The following GNAS-AS1 variants were observed in gnomAD, a reference collection of about 807,000 sequenced individuals.
GNAS-AS1 encodes GNAS antisense RNA 1 (non-protein coding).
chr20:58,833,986 A>G (rs1000633660), intron 4 of GNAS-AS1: 1 of 152,202 alleles, frequency 6.6e-6, no homozygotes, highest in Non-Finnish European at 1.5e-5. Context: ...AGCCTCAGTG[A>G]CTAGACATGT....
intron 4 of GNAS-AS1, chr20:58,839,247 A>G (rs2085642860): frequency 2.5e-6 from 1 of 398,520 alleles, no homozygotes; most frequent in African/African-American, 2.1e-5. Flanking sequence ...TTCTAATTAC[A>G]GTCACTATAA....
Position 58,840,904 on chromosome 20 carries a change from A to C in GNAS-AS1, n.819+1033T>G. 1 of 1,611,726 alleles carries C rather than the reference A, an allele frequency of 6.2e-7. No individual in the cohort carries two copies. Among genetic ancestry groups the C allele is most frequent in the Non-Finnish European group, 8.5e-7 (1 of 1,179,464 alleles). On this transcript the variant is annotated intron_variant and non_coding_transcript_variant, in intron 4 of 4. Transcript: ENST00000424094. The surrounding 1 kb of genome is among the most constrained non-coding windows in gnomAD (Gnocchi z 6.0). ...GGATTCAGGTTAGTTGCCCACCGCT[A>C]AACTGGGGAGCCTGAGGGCGGTGTG...
chr20:58,849,445 A>G (rs1377292324), intron 1 of GNAS-AS1, among the ~76,000 whole-genome samples: 1 of 152,202 alleles, frequency 6.6e-6, no homozygotes, highest in Non-Finnish European at 1.5e-5. Context: ...CTCTGACTCC[A>G]TAAATTCATC....
intron 4 of GNAS-AS1, among the ~76,000 whole-genome samples, chr20:58,822,312 AAGGAGGCCAGGCC>A (rs1568897004): frequency 1.3e-5 from 2 of 152,200 alleles, no homozygotes; most frequent in Non-Finnish European, 2.9e-5. Flanking sequence ...GCAAATGCCT[AAGGAGGCCAGGCC>A]CCACTCAGAG....
chr20:58,830,319 C>T (rs1416528260), intron 4 of GNAS-AS1, among the ~76,000 whole-genome samples: 3 of 142,968 alleles, frequency 2.1e-5, no homozygotes, highest in Non-Finnish European at 4.6e-5. Flanking sequence ...ACCACCACAC[C>T]ATCATCATCA....
At chr20:58,828,183 T>C (rs2085532946) in intron 4 of GNAS-AS1, among the ~76,000 whole-genome samples, 1 of 152,252 alleles carries the variant, frequency 6.6e-6, no homozygotes, top group Non-Finnish European at 1.5e-5. Flanking sequence ...GGCTGCCATG[T>C]GGACTTTGCC....
chr20:58,838,972 C>A (rs999852058), intron 4 of GNAS-AS1: 1 of 397,312 alleles, frequency 2.5e-6, no homozygotes, highest in African/African-American at 2.1e-5. Flanking sequence ...AAGGGGCCTC[C>A]AGTGAGGATT....
At chr20:58,830,321 TCATCATCAC>T (rs2085550050) in intron 4 of GNAS-AS1, among the ~76,000 whole-genome samples, 1 of 18,932 alleles carries the variant, frequency 5.3e-5, no homozygotes. Context: ...CACCACACCA[TCATCATCAC>T]CACCACCATC....
intron 2 of GNAS-AS1, among the ~76,000 whole-genome samples, chr20:58,844,610 T>C (rs536866871): frequency 6.6e-6 from 1 of 152,170 alleles, no homozygotes; most frequent in Non-Finnish European, 1.5e-5. Context: ...ATCCTATTTA[T>C]CCCTTTCAGC....
At chr20:58,823,674 T>C (rs1203310246) in intron 4 of GNAS-AS1, among the ~76,000 whole-genome samples, 1 of 152,212 alleles carries the variant, frequency 6.6e-6, no homozygotes, top group Non-Finnish European at 1.5e-5. Flanking sequence ...ACGTTCCCAA[T>C]GTGCCTTCTG....
Position 58,841,914 on chromosome 20 carries a change from C to T in GNAS-AS1, n.819+23G>A. 8.2e-7 allele frequency: 1 copy of T among 1,220,368 alleles called. No homozygotes were observed. Among genetic ancestry groups the T allele is most frequent in the Non-Finnish European group, 1.0e-6 (1 of 977,558 alleles). 75.6% of individuals were successfully genotyped at this position (1,220,368 alleles called of 1,614,324 possible). On this transcript the variant is annotated intron_variant and non_coding_transcript_variant, in intron 4 of 4. Coordinates refer to ENST00000424094, the Ensembl canonical transcript of GNAS-AS1. This position sits in a 1 kb window ranked among gnomAD's most constrained non-coding sequence, Gnocchi z 5.0. ...AGGGACAGGCTGGAGACGGGGGTCG[C>T]GTCTAACATCAGGATAACTTACAAT...
intron 4 of GNAS-AS1, among the ~76,000 whole-genome samples, chr20:58,820,309 AAG>A (rs776457079): frequency 2.6e-5 from 4 of 152,244 alleles, no homozygotes; most frequent in Non-Finnish European, 4.4e-5. Context: ...CCCAGCTGCC[AAG>A]ACGAGGCTGA....
intron 4 of GNAS-AS1, among the ~76,000 whole-genome samples, chr20:58,829,550 T>C (rs551842927): frequency 1.3e-5 from 2 of 152,264 alleles, no homozygotes; most frequent in South Asian, 2.1e-4. Context: ...GACCTGTGAG[T>C]TTCCCTAACA....
intron 4 of GNAS-AS1, among the ~76,000 whole-genome samples, chr20:58,832,282 A>C (rs1014110916): frequency 6.6e-6 from 1 of 152,250 alleles, no homozygotes. Context: ...AAATTACATG[A>C]AGAAAACACA....
chr20:58,839,456 G>A (rs2145467129), intron 4 of GNAS-AS1: 2 of 400,228 alleles, frequency 5.0e-6, no homozygotes, highest in South Asian at 2.5e-4. Flanking sequence ...GGGGAAACTG[G>A]GGAGGGGCAC....
rs767745741 is a variant in GNAS-AS1, at chr20:58,840,196, C to A, written n.819+1741G>T. 4 of 1,611,286 alleles carry A rather than the reference C, an allele frequency of 2.5e-6. No individual in the cohort carries two copies. The highest frequency in any genetic ancestry group is 3.4e-6 in the Non-Finnish European group (4 of 1,179,896). ...CGCCCATAGGCCGCCGGGCAGCCACCGCGCTCCTCTGGCTCTCCTGCTCCA... is the reference window on the plus strand; with the variant it reads ...CGCCCATAGGCCGCCGGGCAGCCACAGCGCTCCTCTGGCTCTCCTGCTCCA... On this transcript the variant is annotated intron_variant and non_coding_transcript_variant, in intron 4 of 4. Coordinates refer to ENST00000424094, the Ensembl canonical transcript of GNAS-AS1. The surrounding 1 kb of genome is among the most constrained non-coding windows in gnomAD (Gnocchi z 6.0).
chr20:58,840,568 C>A lies in GNAS-AS1; in HGVS notation n.819+1369G>T. ...GCCCGGTGGTGCCCAAGCACTCCACCTTCGGCCAGTCCCTCACCCAGCGTC... is the reference window on the plus strand; with the variant it reads ...GCCCGGTGGTGCCCAAGCACTCCACATTCGGCCAGTCCCTCACCCAGCGTC... On this transcript the variant is annotated intron_variant and non_coding_transcript_variant, in intron 4 of 4. Coordinates refer to ENST00000424094, the Ensembl canonical transcript of GNAS-AS1. The surrounding 1 kb of genome is among the most constrained non-coding windows in gnomAD (Gnocchi z 6.0). 6.2e-7 allele frequency: 1 copy of A among 1,612,836 alleles called. No individual in the cohort carries two copies. Among genetic ancestry groups the A allele is most frequent in the Non-Finnish European group, 8.5e-7 (1 of 1,179,792 alleles).
At chr20:58,839,219 C>T (rs765954228) in intron 4 of GNAS-AS1, 46 of 398,428 alleles carry the variant, frequency 1.2e-4, no homozygotes, top group Non-Finnish European at 1.7e-4. Context: ...TGTTTGAGCA[C>T]GTATTGTTTG....
At chr20:58,820,071 A>G (rs2085475608) in intron 4 of GNAS-AS1, among the ~76,000 whole-genome samples, 1 of 152,200 alleles carries the variant, frequency 6.6e-6, no homozygotes. Context: ...CCAGGTTCTC[A>G]ATCTCCAGAG....
Sources: allele counts gnomAD v4.1 joint callset (sites outside exome capture counted in the v4.1 genomes callset), GRCh38; gene constraint gnomAD v4.1.1; non-coding constraint Gnocchi (gnomAD v3.1); transcripts MANE v1.5; gene names NCBI Gene and HGNC (gene_info 2026-07-23, HGNC 2026-07-21).